Variants in UBE4B observed in about 807,000 individuals in gnomAD.
UBE4B encodes the protein ubiquitination factor E4B.
In UBE4B, 27 loss-of-function variants were observed where a neutral mutation model predicts 148.1. That is an observed-to-expected ratio of 0.18 (90% CI 0.13 to 0.25). The LOEUF (loss-of-function observed/expected upper bound fraction) is 0.25, where lower values mean the gene tolerates loss of function less well. Ranked by LOEUF, UBE4B falls within the 10% of genes least tolerant of loss-of-function variation. The pLI, the probability that UBE4B is intolerant of heterozygous loss-of-function variation, is 1.00. For synonymous variants in UBE4B, 596 were observed against 619.3 expected, an observed-to-expected ratio of 0.96 and a Z score of 0.56; for missense variants, 1,170 against 1,662.4, an observed-to-expected ratio of 0.70 and a Z score of 5.15.
intron 18 of UBE4B, 146 bp from the exon 19 acceptor site, chr1:10,146,817 C>T (rs1645880603): frequency 1.0e-6 from 1 of 981,380 alleles, no homozygotes; most frequent in South Asian, 1.8e-5. Context: ...GAGACACAAC[C>T]AGCATCTTAT....
At chr1:10,138,137 G>GTCTCAC (rs1345283666) in intron 17 of UBE4B, among the ~76,000 whole-genome samples, 1 of 148,682 alleles carries the variant, frequency 6.7e-6, no homozygotes, top group Non-Finnish European at 1.5e-5. Flanking sequence ...TCACTCTGTA[G>GTCTCAC]TCCAGGCTGG....
chr1:10,147,145 T>C (rs1645887599), intron 19 of UBE4B, 55 bp downstream of exon 19: 1 of 1,607,484 alleles, frequency 6.2e-7, no homozygotes, highest in African/African-American at 1.3e-5. Context: ...CTCTGTTGTC[T>C]TTATTGTCCT....
At chr1:10,102,878 G>A (rs114597380) in intron 4 of UBE4B, 70 bp from the exon 5 acceptor site, 1,449 of 1,455,982 alleles carry the variant, frequency 1.0e-3, no homozygotes, top group Non-Finnish European at 1.2e-3. Flanking sequence ...TCAGAATAAC[G>A]TATTCCTATT....
chr1:10,068,466 C>T (rs1484642566), intron 1 of UBE4B, among the ~76,000 whole-genome samples: 1 of 151,744 alleles, frequency 6.6e-6, no homozygotes, highest in Admixed American at 6.6e-5. Context: ...TCTCCTGCCG[C>T]GGCCTCCTCA....
chr1:10,137,756 A>G (rs1455565157), intron 17 of UBE4B, among the ~76,000 whole-genome samples: 2 of 152,096 alleles, frequency 1.3e-5, no homozygotes, highest in Non-Finnish European at 2.9e-5. Context: ...ACACCAACAA[A>G]CAGAAGTCAC....
At chr1:10,082,825 A>G (rs747010101) in intron 2 of UBE4B, among the ~76,000 whole-genome samples, 5 of 138,232 alleles carry the variant, frequency 3.6e-5, no homozygotes, top group Non-Finnish European at 7.7e-5. Flanking sequence ...CCCTCCCCCT[A>G]TTAGGCCCCA....
chr1:10,072,240 C>G (rs1040038014), intron 2 of UBE4B, 26 bp downstream of exon 2: 1 of 1,596,488 alleles, frequency 6.3e-7, no homozygotes, highest in Non-Finnish European at 8.5e-7. Flanking sequence ...ATACCTGGGA[C>G]TCTTTTGTAA....
chr1:10,125,260 A>G (rs1645474855), intron 10 of UBE4B, among the ~76,000 whole-genome samples: 4 of 152,248 alleles, frequency 2.6e-5, no homozygotes, highest in Non-Finnish European at 5.9e-5. Flanking sequence ...GAGATTTTTC[A>G]GGACAACCAG....
Position 10,113,968 on chromosome 1 carries a change from G to A in UBE4B, c.1197-3491G>A, listed in dbSNP as rs193096631. On this transcript the variant is annotated intron_variant, in intron 7 of 27. Transcript: ENST00000343090. ...TAGTCCCAGCTGCTCAGGAGGCTGA[G>A]GCAGGAGAATCGCTTGAACCTGGGA... Among the ~76,000 whole-genome samples the A allele has an allele frequency of 2.5e-3, 385 of 151,892 alleles. 1 individual carries two copies. The highest frequency in any genetic ancestry group is 4.6e-3 in the Non-Finnish European group (314 of 67,962).
chr1:10,061,941 C>T (rs1329364260), intron 1 of UBE4B, among the ~76,000 whole-genome samples: 9 of 146,244 alleles, frequency 6.2e-5, no homozygotes, highest in South Asian at 4.3e-4. Context: ...GACGAGGTCT[C>T]GCTCTGTTGC....
chr1:10,121,900 A>G, intron 9 of UBE4B, 62 bp from the exon 10 acceptor site: 3 of 1,099,040 alleles, frequency 2.7e-6, no homozygotes, highest in Non-Finnish European at 4.0e-6. Flanking sequence ...CTGACATGAC[A>G]TTTCACGTGC....
intron 7 of UBE4B, among the ~76,000 whole-genome samples, chr1:10,114,684 TA>T (rs1258478765): frequency 6.6e-6 from 1 of 152,028 alleles, no homozygotes; most frequent in Non-Finnish European, 1.5e-5. Flanking sequence ...GCCAACATGG[TA>T]AAACACTGTC....
intron 23 of UBE4B, among the ~76,000 whole-genome samples, chr1:10,167,478 T>G (rs986879075): frequency 1.5e-5 from 2 of 137,528 alleles, no homozygotes; most frequent in African/African-American, 6.4e-5. Flanking sequence ...TAATAATGAC[T>G]AAGTAAAAGT....
intron 22 of UBE4B, among the ~76,000 whole-genome samples, chr1:10,159,065 G>A (rs1159852810): frequency 6.6e-6 from 1 of 151,996 alleles, no homozygotes; most frequent in Non-Finnish European, 1.5e-5. Flanking sequence ...GAGATGATGG[G>A]TTAAGTGTTT....
At chr1:10,116,234 C>G (rs938465623) in intron 7 of UBE4B, among the ~76,000 whole-genome samples, 1 of 152,100 alleles carries the variant, frequency 6.6e-6, no homozygotes, top group Non-Finnish European at 1.5e-5. Context: ...CAACCTCCTC[C>G]CACGGTCAAG....
Position 10,168,474 on chromosome 1 carries a change from C to G in UBE4B, c.3333+204C>G, listed in dbSNP as rs1288044541. Among the ~76,000 whole-genome samples the G allele has an allele frequency of 6.6e-6, 1 of 152,208 alleles. No individual in the cohort carries two copies. Among genetic ancestry groups the G allele is most frequent in the Non-Finnish European group, 1.5e-5 (1 of 68,044 alleles). ...ACTGAAGAGCAGATGTCTGATGTCA[C>G]CACATAGTCTACAGCCACTTCCAAA... On this transcript the variant is annotated intron_variant, in intron 24 of 27. Transcript: ENST00000343090. The surrounding 1 kb of genome is among the most constrained non-coding windows in gnomAD (Gnocchi z 4.9).
intron 1 of UBE4B, among the ~76,000 whole-genome samples, chr1:10,062,992 C>A (rs1040292143): frequency 6.7e-6 from 1 of 150,100 alleles, no homozygotes; most frequent in South Asian, 2.1e-4. Context: ...ATAGTGATGG[C>A]GAATAAAACA....
At chr1:10,146,442 ACT>A (rs768179939) in intron 18 of UBE4B, among the ~76,000 whole-genome samples, 7 of 152,120 alleles carry the variant, frequency 4.6e-5, no homozygotes, top group Non-Finnish European at 8.8e-5. Context: ...ACAGAGCAAG[ACT>A]CTGTCTCAAA....
intron 10 of UBE4B, among the ~76,000 whole-genome samples, chr1:10,124,722 G>A (rs1380365182): frequency 6.7e-6 from 1 of 150,114 alleles, no homozygotes; most frequent in Non-Finnish European, 1.5e-5. Flanking sequence ...TTTGAGAAAT[G>A]TTCACAGATA....
Sources: gnomAD v4.1 joint callset for allele counts (sites outside exome capture counted in the v4.1 genomes callset) on GRCh38, gnomAD v4.1.1 for gene constraint, Gnocchi (gnomAD v3.1) non-coding constraint, MANE v1.5 for transcripts, NCBI Gene and HGNC (gene_info 2026-07-23, HGNC 2026-07-21) for gene names.